Variants in UBE2H observed in about 807,000 individuals in gnomAD.
UBE2H encodes ubiquitin-conjugating enzyme E2 H.
UBE2H carries 3 observed loss-of-function variants against 29.0 expected under a neutral mutation model. The observed-to-expected ratio is 0.10, with a 90% CI of 0.05 to 0.27. UBE2H has a LOEUF of 0.27. UBE2H is among the 10% of genes least tolerant of loss of function. The pLI is 1.00. For synonymous variants in UBE2H, 69 were observed against 82.9 expected (o/e 0.83, Z 0.91); for missense variants, 68 against 228.2 (o/e 0.30, Z 4.52).
At chr7:129,897,836 G>GT (rs999023680) in intron 1 of UBE2H, among the ~76,000 whole-genome samples, 2 of 152,158 alleles carry the variant, frequency 1.3e-5, no homozygotes, top group African/African-American at 4.8e-5. Flanking sequence ...TAGAAAAATA[G>GT]TGTCTTCTTG....
At chr7:129,946,322 G>A (rs1807764797) in intron 1 of UBE2H, among the ~76,000 whole-genome samples, 1 of 151,876 alleles carries the variant, frequency 6.6e-6, no homozygotes. Flanking sequence ...ACCTCCCAAA[G>A]TGTTGGGATT....
At chr7:129,925,738 C>T (rs1369644488) in intron 1 of UBE2H, among the ~76,000 whole-genome samples, 1 of 152,166 alleles carries the variant, frequency 6.6e-6, no homozygotes, top group Non-Finnish European at 1.5e-5. Context: ...AGCCTTCTGC[C>T]TATTCACCCC....
chr7:129,916,439 A>G (rs1807045134), intron 1 of UBE2H, among the ~76,000 whole-genome samples: 1 of 150,924 alleles, frequency 6.6e-6, no homozygotes, highest in Admixed American at 6.7e-5. Context: ...AAAAAAAAAA[A>G]AAGAAGCCAT....
chr7:129,884,469 T>C (rs1806318984), intron 1 of UBE2H, among the ~76,000 whole-genome samples: 1 of 151,938 alleles, frequency 6.6e-6, no homozygotes, highest in Non-Finnish European at 1.5e-5. Context: ...TATTCTTTAA[T>C]AAAAAGTTTA....
Position 129,880,887 on chromosome 7 carries a change from G to T in UBE2H, c.130+8C>A, listed in dbSNP as rs201811171. On this transcript the variant is annotated splice_region_variant and intron_variant, in intron 2 of 6. Transcript: ENST00000355621. ...AATAGAAGAACACATACCAACACATGTACTTACTTCCTTGTGGTCCATAAA... is the reference window on the plus strand; with the variant it reads ...AATAGAAGAACACATACCAACACATTTACTTACTTCCTTGTGGTCCATAAA... The T allele has an allele frequency of 6.2e-7, 1 of 1,609,090 alleles. No homozygotes were observed. The highest frequency in any genetic ancestry group is 8.5e-7 in the Non-Finnish European group (1 of 1,176,120).
chr7:129,915,613 A>G (rs1195006042), intron 1 of UBE2H, among the ~76,000 whole-genome samples: 4 of 152,156 alleles, frequency 2.6e-5, no homozygotes, highest in East Asian at 1.9e-4. Context: ...AGAACGAACT[A>G]TTTTCCCCAC....
Position 129,839,301 on chromosome 7 carries a change from C to T in UBE2H, c.333G>A (p.Gln111=). The change falls in exon 6 of 7, where the codon CAG becomes CAA. Residue 111 remains glutamine (Q), a synonymous_variant. Coordinates refer to ENST00000355621, the MANE Select transcript of UBE2H (RefSeq NM_003344.4). ...CTATGGGGTTAGGATAGGCCAATAA[C>T]TGAGGCAGGAAGGACTCAAATATAT... ...LTNIFESFLP[Q]LLAYPNPIDP... 6.2e-7 allele frequency: 1 copy of T among 1,613,856 alleles called. No homozygotes were observed. Among genetic ancestry groups the T allele is most frequent in the South Asian group, 1.1e-5 (1 of 91,052 alleles).
chr7:129,914,324 T>C (rs1807000914), intron 1 of UBE2H, among the ~76,000 whole-genome samples: 1 of 152,104 alleles, frequency 6.6e-6, no homozygotes, highest in Admixed American at 6.6e-5. Flanking sequence ...CGCCCCACCA[T>C]GCCTGGCTAA....
At chr7:129,915,207 G>A (rs1043980860) in intron 1 of UBE2H, among the ~76,000 whole-genome samples, 3 of 152,118 alleles carry the variant, frequency 2.0e-5, no homozygotes, top group Admixed American at 6.6e-5. Flanking sequence ...TAAATGGTAG[G>A]AAGGTTTCTT....
At chr7:129,892,148 T>A (rs1393725572) in intron 1 of UBE2H, among the ~76,000 whole-genome samples, 1 of 152,028 alleles carries the variant, frequency 6.6e-6, no homozygotes, top group Non-Finnish European at 1.5e-5. Context: ...GAGACGGGGT[T>A]TCACCGTAGC....
chr7:129,884,274 G>A (rs935737044), intron 1 of UBE2H, among the ~76,000 whole-genome samples: 9 of 151,590 alleles, frequency 5.9e-5, no homozygotes, highest in East Asian at 5.9e-4. Context: ...AAAATTAGCC[G>A]AGCATGGTGG....
At chr7:129,896,386 T>G (rs1246563714) in intron 1 of UBE2H, among the ~76,000 whole-genome samples, 1 of 152,026 alleles carries the variant, frequency 6.6e-6, no homozygotes, top group Non-Finnish European at 1.5e-5. Context: ...TTCATTTTAT[T>G]TTCATTGTAT....
chr7:129,838,558 G>A (rs1805370855), intron 6 of UBE2H, among the ~76,000 whole-genome samples: 1 of 152,154 alleles, frequency 6.6e-6, no homozygotes. Context: ...GGAGCTTCAT[G>A]TATCTAGACT....
chr7:129,913,229 G>A (rs1806974472), intron 1 of UBE2H, among the ~76,000 whole-genome samples: 1 of 145,574 alleles, frequency 6.9e-6, no homozygotes, highest in Admixed American at 7.0e-5. Context: ...TCCAGCCTGG[G>A]CAGCAAGAGC....
intron 5 of UBE2H, among the ~76,000 whole-genome samples, chr7:129,848,305 T>C (rs751570559): frequency 6.6e-6 from 1 of 152,222 alleles, no homozygotes; most frequent in Non-Finnish European, 1.5e-5. Context: ...AAATTCTGCA[T>C]CCTCCAGAAG....
chr7:129,869,474 A>G (rs1463948395), intron 3 of UBE2H, among the ~76,000 whole-genome samples: 1 of 151,996 alleles, frequency 6.6e-6, no homozygotes, highest in Non-Finnish European at 1.5e-5. Context: ...CTTCCCAACT[A>G]CCAGCCCTCT....
intron 1 of UBE2H, among the ~76,000 whole-genome samples, chr7:129,950,938 T>C (rs1202431901): frequency 6.6e-6 from 1 of 152,168 alleles, no homozygotes; most frequent in East Asian, 1.9e-4. Context: ...GGGTACACTA[T>C]ACTTTATTAG....
chr7:129,883,757 G>A (rs189472063), intron 1 of UBE2H, among the ~76,000 whole-genome samples: 4 of 152,266 alleles, frequency 2.6e-5, no homozygotes, highest in African/African-American at 4.8e-5. Flanking sequence ...CAGGAGAATC[G>A]CTTGAATCCG....
At chr7:129,878,421 C>T (rs181936227) in intron 3 of UBE2H, among the ~76,000 whole-genome samples, 1 of 151,738 alleles carries the variant, frequency 6.6e-6, no homozygotes, top group Non-Finnish European at 1.5e-5. Context: ...CAATGGCTCA[C>T]GCCTGTAATT....
Sources: gnomAD v4.1 joint callset for allele counts (sites outside exome capture counted in the v4.1 genomes callset) on GRCh38, gnomAD v4.1.1 for gene constraint, MANE v1.5 for transcripts, NCBI Gene and HGNC (gene_info 2026-07-23, HGNC 2026-07-21) for gene names.